FAF2: variants seen among roughly 807,000 people sequenced by gnomAD.
FAF2 encodes the protein Fas associated factor family member 2, also known as FAS-associated factor 2.
A neutral mutation model predicts 62.3 loss-of-function variants in FAF2; 9 were observed. The observed-to-expected ratio is 0.14, with a 90% confidence interval of 0.09 to 0.25. FAF2 has a LOEUF of 0.25. FAF2 is among the 10% of genes least tolerant of loss of function. The pLI, the probability that FAF2 is intolerant of heterozygous loss-of-function variation, is 1.00. For synonymous variants in FAF2, 202 were observed against 198.0 expected (o/e 1.02, Z -0.17); for missense variants, 368 against 556.2 (o/e 0.66, Z 3.40).
chr5:176,490,473 C>T (rs1758954633), intron 4 of FAF2, among the ~76,000 whole-genome samples: 1 of 151,966 alleles, frequency 6.6e-6, no homozygotes, highest in South Asian at 2.1e-4. Context: ...TAGTCTGGGC[C>T]TTCCCTGGAA....
chr5:176,449,455 G>A (rs1269497467), intron 1 of FAF2, among the ~76,000 whole-genome samples: 3 of 152,078 alleles, frequency 2.0e-5, no homozygotes, highest in Admixed American at 2.0e-4. Flanking sequence ...CACGCCTGTG[G>A]TCCCAGCTAC....
At chr5:176,457,664 G>GTA (rs1295570075) in intron 1 of FAF2, among the ~76,000 whole-genome samples, 1 of 151,760 alleles carries the variant, frequency 6.6e-6, no homozygotes, top group African/African-American at 2.4e-5. Context: ...GTGTGTGTGT[G>GTA]TGTGTGTGTG....
Position 176,506,951 on chromosome 5 carries a change from C to G in FAF2, c.*1C>G, listed in dbSNP as rs1420878227. ...TGTTCAGGACCTAACTGACGAATGA[C>G]ATTTTTTTCTTCCTGTCCCCTCCTA... On this transcript the variant is annotated 3_prime_UTR_variant, in exon 11 of 11. Transcript: ENST00000261942. 1 of 1,511,356 alleles carries G rather than the reference C, an allele frequency of 6.6e-7. No individual in the cohort carries two copies. The highest frequency in any genetic ancestry group is 1.4e-5 in the African/African-American group (1 of 72,050). The allele number at this position is 1,511,356 out of a possible 1,614,324, so 93.6% of individuals were successfully genotyped here. A position where few individuals can be genotyped will look rare whatever the true frequency, so the allele number is the denominator to read the frequency against.
intron 1 of FAF2, among the ~76,000 whole-genome samples, chr5:176,456,963 T>C (rs1342324679): frequency 2.0e-5 from 3 of 152,188 alleles, no homozygotes; most frequent in Non-Finnish European, 4.4e-5. Flanking sequence ...GGTACTTCTT[T>C]ATTTGACAAG....
At chr5:176,487,754 A>G (rs559905683) in intron 3 of FAF2, among the ~76,000 whole-genome samples, 19 of 152,314 alleles carry the variant, frequency 1.2e-4, no homozygotes, top group Middle Eastern at 3.4e-3. Flanking sequence ...GGTTAATATA[A>G]TTATTTAATG....
At position 176,458,408 on chromosome 5, in the gene FAF2, C is replaced by CTTTTTTTTTTTTTTTTTT. The variant is rs751775026; in HGVS notation, c.63+9940_63+9957dup. On this transcript the variant is annotated intron_variant, in intron 1 of 10. Coordinates refer to ENST00000261942, the MANE Select transcript of FAF2 (RefSeq NM_014613.3). ...CAGAATAATATTTTTCTTTTTCTTC[C>CTTTTTTTTTTTTTTTTTT]TTTTTTTTTTTTTTTTTTTGAGACG... 1.5e-4 allele frequency among the ~76,000 whole-genome samples: 13 copies of CTTTTTTTTTTTTTTTTTT among 86,364 alleles called. 1 individual carries two copies. The highest frequency in any genetic ancestry group is 4.5e-4 in the African/African-American group (10 of 22,270). The allele number at this position is 86,364 out of a possible 152,430, so 56.7% of individuals were successfully genotyped here.
In FAF2 at chr5:176,507,234, A is replaced by G. The variant is rs1755700785; in HGVS notation, c.*284A>G. 2.2e-6 allele frequency: 1 copy of G among 453,968 alleles called. No homozygotes were observed. The allele number at this position is 453,968 out of a possible 1,614,324, so 28.1% of individuals were successfully genotyped here. ...CCTCTGTGCACGCACCTTCCAGTGA[A>G]CAGAGACTCTTCACCTTCGACCCAT... On this transcript the variant is annotated 3_prime_UTR_variant, in exon 11 of 11. Coordinates refer to ENST00000261942, the MANE Select transcript of FAF2 (RefSeq NM_014613.3).
At position 176,499,480 on chromosome 5, in the gene FAF2, T is replaced by G. The variant is rs1425848560; in HGVS notation, c.1011+395T>G. The stretch of plus-strand genomic sequence containing the variant: ...AGCTGATTTGGCATTTTACTCATTA[T>G]CTTTTTGTTTTTGTTTTGTTTTGTT... On this transcript the variant is annotated intron_variant, in intron 9 of 10. Transcript: ENST00000261942. 2.0e-5 allele frequency among the ~76,000 whole-genome samples: 3 copies of G among 152,328 alleles called. No individual in the cohort carries two copies. In the East Asian group the frequency reaches 5.8e-4, roughly 29 times the overall value.
chr5:176,450,845 CTG>C (rs966892975), intron 1 of FAF2, among the ~76,000 whole-genome samples: 1 of 152,110 alleles, frequency 6.6e-6, no homozygotes, highest in African/African-American at 2.4e-5. Context: ...CCGGCCAAAA[CTG>C]TGGAGATCTT....
chr5:176,488,968 T>C lies in FAF2; in HGVS notation c.285T>C (p.Gly95=). 6.2e-7 allele frequency: 1 copy of C among 1,614,022 alleles called. No homozygotes were observed. The highest frequency in any genetic ancestry group is 8.5e-7 in the Non-Finnish European group (1 of 1,179,932). ...ACTTTCAGGGGCTGCTTGGATGGGG[T>C]TATTACTTGATAATGCTTCCATTCC... is the stretch of plus-strand genomic sequence containing the variant. ...RPQPRGLLGW[G]YYLIMLPFRF... The change falls in exon 4 of 11, where the codon GGT becomes GGC. Residue 95 remains glycine (G), a synonymous_variant. Transcript: ENST00000261942.
At chr5:176,498,835 A>G in intron 8 of FAF2, 79 bp from the exon 9 acceptor site, 1 of 1,336,504 alleles carries the variant, frequency 7.5e-7, no homozygotes, top group Non-Finnish European at 1.0e-6. Context: ...ACACACACAC[A>G]CAGAAGATTT....
intron 3 of FAF2, among the ~76,000 whole-genome samples, chr5:176,486,802 A>C (rs541568246): frequency 3.9e-5 from 6 of 152,226 alleles, no homozygotes; most frequent in African/African-American, 1.2e-4. Context: ...AAGTATATGG[A>C]ATCTTTGTAG....
intron 1 of FAF2, among the ~76,000 whole-genome samples, chr5:176,463,280 G>A (rs1444518121): frequency 1.3e-5 from 2 of 151,674 alleles, no homozygotes; most frequent in African/African-American, 4.8e-5. Flanking sequence ...TCCTGTAATC[G>A]GGAGGGTGAA....
intron 5 of FAF2, 102 bp from the exon 6 acceptor site, chr5:176,493,897 T>G: frequency 2.6e-6 from 2 of 779,484 alleles, no homozygotes; most frequent in Non-Finnish European, 4.2e-6. Flanking sequence ...TTATTTTTCC[T>G]TTTGTTCCTA....
At chr5:176,466,831 A>G (rs558016069) in intron 1 of FAF2, among the ~76,000 whole-genome samples, 2 of 152,318 alleles carry the variant, frequency 1.3e-5, no homozygotes, top group East Asian at 3.9e-4. Context: ...GTAGTATAGA[A>G]TAGTTCACAC....
At chr5:176,496,355 A>T in intron 7 of FAF2, 131 bp from the exon 8 acceptor site, 1 of 644,798 alleles carries the variant, frequency 1.6e-6, no homozygotes, top group Non-Finnish European at 2.4e-6. Flanking sequence ...GAAAAAGCGG[A>T]GACTAAATGA....
At chr5:176,477,377 A>G (rs1420609004) in intron 1 of FAF2, among the ~76,000 whole-genome samples, 4 of 150,804 alleles carry the variant, frequency 2.7e-5, no homozygotes, top group East Asian at 2.0e-4. Flanking sequence ...GTGAGCCACC[A>G]TGCCTGGCCT....
At chr5:176,486,291 C>T in intron 2 of FAF2, 64 bp from the exon 3 acceptor site, 3 of 1,598,384 alleles carry the variant, frequency 1.9e-6, no homozygotes, top group Non-Finnish European at 2.6e-6. Context: ...ATAGTTGCCT[C>T]ACCTCTTGTT....
At chr5:176,461,097 C>T (rs147320298) in intron 1 of FAF2, among the ~76,000 whole-genome samples, 2,128 of 151,174 alleles carry the variant, frequency 0.014, 41 homozygotes, top group African/African-American at 0.049. Context: ...ACTGCAACCT[C>T]TGCCTGCCAG....
Sources: allele counts gnomAD v4.1 joint callset (sites outside exome capture counted in the v4.1 genomes callset), GRCh38; gene constraint gnomAD v4.1.1; transcripts MANE v1.5; gene names NCBI Gene and HGNC (gene_info 2026-07-23, HGNC 2026-07-21).